AGBL1: variants seen among roughly 807,000 people sequenced by gnomAD.
AGBL1 encodes the protein AGBL carboxypeptidase 1, also known as cytosolic carboxypeptidase 4.
AGBL1 carries 130 observed loss-of-function variants against 118.9 expected under a neutral mutation model. That is an observed-to-expected ratio of 1.09 (90% CI 0.95 to 1.26). The LOEUF (loss-of-function observed/expected upper bound fraction) is 1.26, where lower values mean the gene tolerates loss of function less well. Among genes scored for constraint, AGBL1 ranks in the 50% most tolerant of loss-of-function variants. The pLI is 0.00. For missense variants in AGBL1, 1,584 were observed against 1,298.1 expected, an observed-to-expected ratio of 1.22 and a Z score of -3.38; for synonymous variants, 555 against 478.9, an observed-to-expected ratio of 1.16 and a Z score of -2.08.
intron 3 of AGBL1, among the ~76,000 whole-genome samples, chr15:86,148,399 T>A (rs2077060680): frequency 6.6e-6 from 1 of 152,138 alleles, no homozygotes; most frequent in Non-Finnish European, 1.5e-5. Flanking sequence ...GGCGAATGGC[T>A]AACTAGAATA....
At chr15:86,893,532 T>C (rs2080081043) in intron 22 of AGBL1, among the ~76,000 whole-genome samples, 1 of 152,086 alleles carries the variant, frequency 6.6e-6, no homozygotes, top group Non-Finnish European at 1.5e-5. Context: ...TCAATAAATA[T>C]GCAAATGAAA....
intron 22 of AGBL1, among the ~76,000 whole-genome samples, chr15:86,705,579 C>A (rs534377675): frequency 6.6e-6 from 1 of 152,136 alleles, no homozygotes; most frequent in African/African-American, 2.4e-5. Flanking sequence ...GCCAGCCACT[C>A]GCTTCATTCC....
chr15:86,925,796 T>C (rs1268355803), intron 23 of AGBL1, among the ~76,000 whole-genome samples: 1 of 150,844 alleles, frequency 6.6e-6, no homozygotes, highest in Non-Finnish European at 1.5e-5. Context: ...AGTGGCGCCA[T>C]CTCGGCTCAC....
chr15:86,140,196 T>C (rs2076944202), intron 1 of AGBL1: 2 of 152,558 alleles, frequency 1.3e-5, no homozygotes, highest in Non-Finnish European at 2.9e-5. Flanking sequence ...AATTAGTTGA[T>C]TTTTTCAATT....
intron 22 of AGBL1, among the ~76,000 whole-genome samples, chr15:86,860,082 G>A (rs531378938): frequency 1.4e-4 from 22 of 152,202 alleles, no homozygotes; most frequent in South Asian, 6.2e-4. Context: ...ATTTTGGGGC[G>A]GAATATCTCA....
chr15:86,718,750 G>C (rs1041999792), intron 22 of AGBL1, among the ~76,000 whole-genome samples: 1 of 152,024 alleles, frequency 6.6e-6, no homozygotes, highest in Non-Finnish European at 1.5e-5. Context: ...GCCAGGAGGA[G>C]GCCAGGAAAT....
chr15:86,653,084 A>G (rs1218819119), intron 21 of AGBL1, among the ~76,000 whole-genome samples: 7 of 152,180 alleles, frequency 4.6e-5, no homozygotes, highest in Non-Finnish European at 8.8e-5. Context: ...ATTTTCACGA[A>G]AGATTAGTTC....
intron 22 of AGBL1, among the ~76,000 whole-genome samples, chr15:86,831,759 G>C (rs932987235): frequency 1.3e-5 from 2 of 152,162 alleles, no homozygotes; most frequent in Non-Finnish European, 2.9e-5. Flanking sequence ...TACCTTTCTG[G>C]GGTCTGGAGG....
At chr15:86,632,249 C>T (rs1375152007) in intron 21 of AGBL1, among the ~76,000 whole-genome samples, 4 of 139,338 alleles carry the variant, frequency 2.9e-5, no homozygotes, top group Non-Finnish European at 6.1e-5. Context: ...GCCAGGGTGG[C>T]AGCGCAAGAC....
At chr15:86,794,074 CAT>C (rs1177850084) in intron 22 of AGBL1, among the ~76,000 whole-genome samples, 1 of 152,212 alleles carries the variant, frequency 6.6e-6, no homozygotes, top group Non-Finnish European at 1.5e-5. Flanking sequence ...AAAATTACCA[CAT>C]GACACAGCAA....
Position 86,169,591 on chromosome 15 carries a change from C to T in AGBL1, c.488+10565C>T, listed in dbSNP as rs74025010. 4.4e-3 allele frequency among the ~76,000 whole-genome samples: 668 copies of T among 152,302 alleles called. 6 individuals are homozygous for T. The highest frequency in any genetic ancestry group is 0.015 in the African/African-American group (644 of 41,572). On this transcript the variant is annotated intron_variant, in intron 5 of 22. Transcript: ENST00000614907. Reference sequence around the variant, plus strand: ...GCAATAGTCGCATATAACTTATGCACTTCCTCCTGTATACTTTTAAATCTT... The same window carrying T: ...GCAATAGTCGCATATAACTTATGCATTTCCTCCTGTATACTTTTAAATCTT...
intron 22 of AGBL1, among the ~76,000 whole-genome samples, chr15:86,752,712 A>G (rs1055825770): frequency 1.5e-4 from 23 of 152,082 alleles, no homozygotes; most frequent in Non-Finnish European, 2.4e-4. Context: ...CCCACCTCCA[A>G]AGAATAGATA....
chr15:86,953,367 A>G lies in AGBL1; in HGVS notation c.3222-34620A>G, dbSNP rs143260497. 5.5e-3 allele frequency among the ~76,000 whole-genome samples: 819 copies of G among 148,672 alleles called. 6 individuals are homozygous for G. Among genetic ancestry groups the G allele is most frequent in the African/African-American group, 0.018 (744 of 40,636 alleles). ...TAGCAGTGTTTTGTAGTTCTTGTAG[A>G]GATCTTTCATCTTCTTGGTAAGCTG... On this transcript the variant is annotated intron_variant, in intron 23 of 24. Transcript: ENST00000441037.
intron 3 of AGBL1, among the ~76,000 whole-genome samples, chr15:86,144,545 A>G (rs535788924): frequency 1.3e-5 from 2 of 152,314 alleles, no homozygotes; most frequent in Admixed American, 6.5e-5. Context: ...CATTATCCTT[A>G]GCAAACTAAA....
intron 4 of AGBL1, among the ~76,000 whole-genome samples, chr15:86,156,714 G>T (rs1474572504): frequency 2.0e-5 from 3 of 151,768 alleles, no homozygotes; most frequent in Non-Finnish European, 2.9e-5. Context: ...GGAGTTAATA[G>T]GTGACTTTTT....
At position 86,244,059 on chromosome 15, in the gene AGBL1, A is replaced by ATAAG. The variant is rs57647025; in HGVS notation, c.527-3608_527-3605dup. On this transcript the variant is annotated intron_variant, in intron 6 of 22. Coordinates refer to ENST00000614907, the MANE Select transcript of AGBL1 (RefSeq NM_001386094.1). ...AGTAGATAGATAGATAGATAGATAA[A>ATAAG]TAAGTAAATAAATAAATAAATAAAT... 2.9e-4 allele frequency among the ~76,000 whole-genome samples: 19 copies of ATAAG among 66,484 alleles called. 1 individual carries two copies. The highest frequency in any genetic ancestry group is 2.4e-3 in the South Asian group (4 of 1,664). The allele number at this position is 66,484 out of a possible 152,430, so 43.6% of individuals were successfully genotyped here.
At chr15:86,633,622 C>A (rs546959173) in intron 21 of AGBL1, among the ~76,000 whole-genome samples, 1 of 151,580 alleles carries the variant, frequency 6.6e-6, no homozygotes, top group African/African-American at 2.4e-5. Flanking sequence ...ATGAATTAAT[C>A]CCAAGGGAGT....
In AGBL1 at chr15:86,264,839, G is replaced by C. The variant is rs770706712; in HGVS notation, c.1667+1G>C. On this transcript the variant is annotated splice_donor_variant, in intron 11 of 22. Coordinates refer to ENST00000614907, the MANE Select transcript of AGBL1 (RefSeq NM_001386094.1). LOFTEE classifies it high-confidence loss of function. ...TGGAACGAAAATGTGGAGTCCAAAG[G>C]TGATGGCGCTACTGACTTGGGAGCT... 4.0e-5 allele frequency: 63 copies of C among 1,583,538 alleles called. No individual in the cohort carries two copies. The highest frequency in any genetic ancestry group is 5.3e-5 in the Non-Finnish European group (62 of 1,168,994).
intron 7 of AGBL1, among the ~76,000 whole-genome samples, chr15:86,252,246 C>G (rs911956970): frequency 9.2e-5 from 14 of 152,182 alleles, no homozygotes; most frequent in Non-Finnish European, 1.6e-4. Context: ...GTAGGCCAAG[C>G]CTTGATTCAT....
Sources: gnomAD v4.1 joint callset for allele counts (sites outside exome capture counted in the v4.1 genomes callset) on GRCh38, gnomAD v4.1.1 for gene constraint, MANE v1.5 for transcripts, NCBI Gene and HGNC (gene_info 2026-07-23, HGNC 2026-07-21) for gene names.